The following ALPK2 variants were observed in gnomAD, a reference collection of about 807,000 sequenced individuals.
ALPK2 encodes the protein alpha-protein kinase 2.
Under a neutral mutation model 163.1 loss-of-function variants are expected in ALPK2, and 127 were observed. The ratio of observed to expected loss-of-function variants is 0.78; its 90% CI spans 0.67 to 0.90. The LOEUF is 0.90. ALPK2 is among the 40% of genes least tolerant of loss of function. The probability of loss-of-function intolerance (pLI) is 0.00; values close to 1 mark genes in which losing one functional copy is unlikely to be tolerated. For synonymous variants in ALPK2, 953 were observed against 959.1 expected (o/e 0.99, Z 0.12); for missense variants, 2,360 against 2,589.6 (o/e 0.91, Z 1.92).
intron 3 of ALPK2, among the ~76,000 whole-genome samples, chr18:58,604,697 G>T (rs927216234): frequency 6.6e-6 from 1 of 152,180 alleles, no homozygotes; most frequent in Non-Finnish European, 1.5e-5. Flanking sequence ...CCTAGTAGAC[G>T]GGCTATTTTT....
Position 58,517,502 on chromosome 18 carries a change from T to G in ALPK2, c.5666-320A>C, listed in dbSNP as rs115962121. On this transcript the variant is annotated intron_variant, in intron 8 of 12. Transcript: ENST00000361673. The stretch of plus-strand genomic sequence containing the variant: ...CCAAGCAAAGTAACAAAAGTCAAGT[T>G]GAAAAGATGGGAAAAGTGTAGAGGA... Among the ~76,000 whole-genome samples, 1,423 of 152,154 alleles carry G rather than the reference T, an allele frequency of 9.4e-3. 17 individuals carry two copies. Among genetic ancestry groups the G allele is most frequent in the African/African-American group, 0.032 (1,342 of 41,502 alleles).
chr18:58,621,268 T>C (rs1028732246), intron 1 of ALPK2, among the ~76,000 whole-genome samples: 2 of 151,312 alleles, frequency 1.3e-5, no homozygotes, highest in African/African-American at 4.9e-5. Flanking sequence ...GCAGGGAATG[T>C]GATCACTTTC....
chr18:58,570,919 C>T (rs947138328), intron 4 of ALPK2, among the ~76,000 whole-genome samples: 2 of 152,200 alleles, frequency 1.3e-5, no homozygotes, highest in Admixed American at 6.5e-5. Flanking sequence ...ACGCCCAGCT[C>T]GTGGCTGCAA....
intron 8 of ALPK2, among the ~76,000 whole-genome samples, chr18:58,518,868 T>C (rs945280257): frequency 3.9e-5 from 6 of 152,216 alleles, no homozygotes; most frequent in African/African-American, 1.4e-4. Context: ...TTGTAGATGC[T>C]GTATAAGCTG....
chr18:58,609,078 C>T (rs957209741), intron 2 of ALPK2, among the ~76,000 whole-genome samples: 1 of 152,106 alleles, frequency 6.6e-6, no homozygotes, highest in African/African-American at 2.4e-5. Context: ...ATGAGCAGGA[C>T]CTGAAAATGC....
chr18:58,535,337 T>A lies in ALPK2; in HGVS notation c.4850A>T (p.Asn1617Ile), dbSNP rs574995652. The A allele has an allele frequency of 5.4e-5, 87 of 1,614,192 alleles. 1 individual carries two copies. The South Asian group carries it at 9.2e-4, about 17-fold the overall frequency. ...GTGGCTTATCAAAAAGTCTGTGACA[T>A]TTCCTTCAGGAGATGAAGTACAAGG... ...RFPCTSSPEG[N>I]VTDFLISHKM... The change falls in exon 5 of 13, where the codon AAT becomes ATT. Residue 1617 changes from asparagine (N) to isoleucine (I), a missense_variant. Transcript: ENST00000361673.
chr18:58,557,758 G>GGAAA (rs755470996), intron 4 of ALPK2, among the ~76,000 whole-genome samples: 24 of 151,592 alleles, frequency 1.6e-4, no homozygotes, highest in Non-Finnish European at 2.2e-4. Flanking sequence ...CTGTAAAAGA[G>GGAAA]GAAAGAAAAC....
chr18:58,618,257 G>A (rs2052180326), intron 1 of ALPK2, among the ~76,000 whole-genome samples: 1 of 152,124 alleles, frequency 6.6e-6, no homozygotes, highest in South Asian at 2.1e-4. Flanking sequence ...ATATTGGCCA[G>A]GCTGGTCTCG....
At chr18:58,524,229 C>T (rs1231232746) in intron 6 of ALPK2, among the ~76,000 whole-genome samples, 167 bp from the exon 7 acceptor site, 2 of 152,212 alleles carry the variant, frequency 1.3e-5, no homozygotes, top group Non-Finnish European at 2.9e-5. Flanking sequence ...ATTGATTTAT[C>T]CACAGAGGAG....
chr18:58,615,460 C>T (rs2052161582), intron 1 of ALPK2, among the ~76,000 whole-genome samples: 1 of 152,202 alleles, frequency 6.6e-6, no homozygotes, highest in Non-Finnish European at 1.5e-5. Flanking sequence ...TTGAACCTAC[C>T]TTCTCATCTG....
At chr18:58,523,070 C>G (rs1307651748) in intron 8 of ALPK2, among the ~76,000 whole-genome samples, 2 of 104,406 alleles carry the variant, frequency 1.9e-5, no homozygotes, top group Non-Finnish European at 3.8e-5. Flanking sequence ...CCCCTCCCCC[C>G]ACCCCACAAC....
intron 8 of ALPK2, 66 bp downstream of exon 8, chr18:58,523,740 C>G: frequency 6.3e-7 from 1 of 1,597,816 alleles, no homozygotes; most frequent in South Asian, 1.1e-5. Flanking sequence ...ACTCTTTCCT[C>G]TGGGAGCTAT....
At chr18:58,589,113 C>G (rs2052002491) in intron 3 of ALPK2, among the ~76,000 whole-genome samples, 1 of 152,204 alleles carries the variant, frequency 6.6e-6, no homozygotes, top group Non-Finnish European at 1.5e-5. Flanking sequence ...ACTGTCACAG[C>G]AGAACAGCTG....
At chr18:58,578,733 G>GACACACACGCGCGCGCGCGCGC (rs908380706) in intron 4 of ALPK2, 81 bp downstream of exon 4, 20 of 533,290 alleles carry the variant, frequency 3.8e-5, no homozygotes, top group Admixed American at 6.8e-5. Flanking sequence ...TAAAGGAAGA[G>GACACACACGCGCGCGCGCGCGC]ACACACACAC....
intron 9 of ALPK2, among the ~76,000 whole-genome samples, chr18:58,515,916 A>C (rs757434012): frequency 4.6e-5 from 7 of 152,158 alleles, no homozygotes; most frequent in Non-Finnish European, 1.0e-4. Flanking sequence ...TGCCGGTGTA[A>C]ACAGTGAAAT....
chr18:58,624,000 A>G (rs549433614), intron 1 of ALPK2, among the ~76,000 whole-genome samples: 3 of 152,330 alleles, frequency 2.0e-5, no homozygotes, highest in African/African-American at 7.2e-5. Context: ...AAAATCTCCT[A>G]AAGTGGCCAT....
At chr18:58,590,525 C>G (rs1466529424) in intron 3 of ALPK2, among the ~76,000 whole-genome samples, 1 of 152,158 alleles carries the variant, frequency 6.6e-6, no homozygotes, top group Non-Finnish European at 1.5e-5. Context: ...CGTGTCCTTT[C>G]CTTGGCCATA....
chr18:58,492,935 G>A (rs936200179), intron 12 of ALPK2, among the ~76,000 whole-genome samples: 1 of 152,198 alleles, frequency 6.6e-6, no homozygotes, highest in African/African-American at 2.4e-5. Flanking sequence ...AGTAGGGTCT[G>A]CCTTGCCAAA....
At chr18:58,578,771 C>CACAT in intron 4 of ALPK2, 43 bp downstream of exon 4, 2 of 1,562,132 alleles carry the variant, frequency 1.3e-6, no homozygotes, top group South Asian at 1.2e-5. Context: ...CACACACACA[C>CACAT]GGTTCTTTTT....
Sources: allele counts gnomAD v4.1 joint callset (sites outside exome capture counted in the v4.1 genomes callset), GRCh38; gene constraint gnomAD v4.1.1; transcripts MANE v1.5; gene names NCBI Gene and HGNC (gene_info 2026-07-23, HGNC 2026-07-21).